COL21A1: variants seen among roughly 807,000 people sequenced by gnomAD.
The protein encoded by COL21A1 is collagen alpha-1(XXI) chain.
In COL21A1, 149 loss-of-function variants were observed where a neutral mutation model predicts 137.9. The ratio of observed to expected loss-of-function variants is 1.08; its 90% CI spans 0.95 to 1.24. The LOEUF is 1.24. COL21A1 is among the 50% of genes most tolerant of loss of function. The pLI, the probability that COL21A1 is intolerant of heterozygous loss-of-function variation, is 0.00. For synonymous variants in COL21A1, 456 were observed against 391.5 expected, an observed-to-expected ratio of 1.16 and a Z score of -1.95; for missense variants, 1,167 against 1,158.4, an observed-to-expected ratio of 1.01 and a Z score of -0.11.
At chr6:56,157,072 T>TTA in intron 9 of COL21A1, 123 bp from the exon 10 acceptor site, 2 of 496,160 alleles carry the variant, frequency 4.0e-6, no homozygotes. Context: ...AAAACAAAAG[T>TTA]AAAAAAAAAA....
intron 20 of COL21A1, among the ~76,000 whole-genome samples, chr6:56,071,398 GTCT>G (rs1766741999): frequency 6.6e-6 from 1 of 151,540 alleles, no homozygotes; most frequent in Admixed American, 6.6e-5. Flanking sequence ...GAGAAAACAA[GTCT>G]TCTGGCTAAT....
chr6:56,151,947 G>C (rs553229788), intron 10 of COL21A1, among the ~76,000 whole-genome samples: 1 of 152,162 alleles, frequency 6.6e-6, no homozygotes, highest in African/African-American at 2.4e-5. Flanking sequence ...GAGACACTGC[G>C]GGGAGGGGCT....
At chr6:56,117,342 G>A (rs1196557455) in intron 16 of COL21A1, among the ~76,000 whole-genome samples, 13 of 151,858 alleles carry the variant, frequency 8.6e-5, no homozygotes, top group Non-Finnish European at 1.9e-4. Context: ...AAAACTAAGA[G>A]AAAAGGGTCT....
intron 10 of COL21A1, among the ~76,000 whole-genome samples, chr6:56,153,135 G>A (rs1214130178): frequency 6.6e-6 from 1 of 152,152 alleles, no homozygotes; most frequent in African/African-American, 2.4e-5. Flanking sequence ...GCATATAATG[G>A]GGGTCGAAGA....
At chr6:56,328,035 G>A (rs1582785697) in intron 1 of COL21A1, among the ~76,000 whole-genome samples, 2 of 151,970 alleles carry the variant, frequency 1.3e-5, no homozygotes, top group Non-Finnish European at 2.9e-5. Context: ...GGGTCAGGCT[G>A]CCCATCATAC....
chr6:56,308,792 A>T (rs1764531863), intron 1 of COL21A1, among the ~76,000 whole-genome samples: 1 of 152,190 alleles, frequency 6.6e-6, no homozygotes, highest in Non-Finnish European at 1.5e-5. Flanking sequence ...GCTACATATC[A>T]AGTGCTCAGT....
At chr6:56,335,536 A>T (rs913747196) in intron 1 of COL21A1, among the ~76,000 whole-genome samples, 7 of 152,172 alleles carry the variant, frequency 4.6e-5, no homozygotes, top group African/African-American at 1.7e-4. Context: ...CCAAATTTGC[A>T]TCTCTAACCA....
intron 10 of COL21A1, among the ~76,000 whole-genome samples, chr6:56,144,350 C>A (rs944418334): frequency 6.6e-6 from 1 of 151,976 alleles, no homozygotes. Context: ...TAGATTGACT[C>A]AACTGATTCA....
chr6:56,121,573 TG>T (rs2152207254), intron 16 of COL21A1, among the ~76,000 whole-genome samples: 1 of 146,286 alleles, frequency 6.8e-6, no homozygotes, highest in Non-Finnish European at 1.5e-5. Context: ...TATATATATA[TG>T]TATATGTATA....
chr6:56,237,083 CT>C (rs1341151738), intron 1 of COL21A1, among the ~76,000 whole-genome samples: 8 of 151,860 alleles, frequency 5.3e-5, no homozygotes, highest in African/African-American at 1.9e-4. Context: ...ACGTGAGAAC[CT>C]ATCAATAGAT....
chr6:56,069,025 T>C, intron 22 of COL21A1, 21 bp downstream of exon 22: 1 of 1,562,730 alleles, frequency 6.4e-7, no homozygotes, highest in Non-Finnish European at 8.7e-7. Flanking sequence ...AAGCGAACTG[T>C]ATCTCCTAAC....
At chr6:56,069,461 C>T (rs1766547222) in intron 21 of COL21A1, among the ~76,000 whole-genome samples, 1 of 150,876 alleles carries the variant, frequency 6.6e-6, no homozygotes, top group Non-Finnish European at 1.5e-5. Flanking sequence ...TACCTATTTA[C>T]TAACACTTAT....
rs541153422 is a variant in COL21A1, at chr6:56,170,597, T to C, written c.1026+52A>G. 3.9e-5 allele frequency: 49 copies of C among 1,263,672 alleles called. No individual in the cohort carries two copies. The African/African-American group carries it at 5.9e-4, about 15-fold the overall frequency. 78.3% of individuals were successfully genotyped at this position (1,263,672 alleles called of 1,614,324 possible). ...TTTTCCCCAACACACATAAACCCAA[T>C]AGTGCTTCCCCATGAATATCATAAT... On this transcript the variant is annotated intron_variant, in intron 5 of 29. Coordinates refer to ENST00000244728, the MANE Select transcript of COL21A1 (RefSeq NM_030820.4).
intron 16 of COL21A1, among the ~76,000 whole-genome samples, chr6:56,106,703 T>TA (rs1770930060): frequency 6.6e-6 from 1 of 151,856 alleles, no homozygotes; most frequent in African/African-American, 2.4e-5. Flanking sequence ...AAAAAAATAA[T>TA]AAAAACTTTT....
intron 16 of COL21A1, 26 bp from the exon 17 acceptor site, chr6:56,101,551 TAGA>T: frequency 6.4e-7 from 1 of 1,551,416 alleles, no homozygotes; most frequent in Non-Finnish European, 8.8e-7. Flanking sequence ...CAAAAAGAAA[TAGA>T]GAATTCAGTT....
rs140772773 is a variant in COL21A1, at chr6:56,243,286, C to G, written c.-39+4101G>C. Among the ~76,000 whole-genome samples the G allele has an allele frequency of 7.7e-3, 1,169 of 152,258 alleles. 18 individuals carry two copies. Among genetic ancestry groups the G allele is most frequent in the African/African-American group, 0.026 (1,095 of 41,564 alleles). ...TTCTCAGGTGATTCAAATGTCCAGT[C>G]AAGTGGGTTAACCAGTGGGTTAAAG... is the stretch of plus-strand genomic sequence containing the variant. On this transcript the variant is annotated intron_variant, in intron 1 of 29. Coordinates refer to ENST00000244728, the MANE Select transcript of COL21A1 (RefSeq NM_030820.4).
intron 1 of COL21A1, among the ~76,000 whole-genome samples, chr6:56,226,613 T>C (rs1781210540): frequency 6.6e-6 from 1 of 152,050 alleles, no homozygotes; most frequent in African/African-American, 2.4e-5. Context: ...CTGGCAAGCC[T>C]AATTTGAGTC....
chr6:56,135,194 A>G (rs1773898310), intron 12 of COL21A1, among the ~76,000 whole-genome samples: 1 of 152,124 alleles, frequency 6.6e-6, no homozygotes. Flanking sequence ...AAACCAAGTA[A>G]AAACACATAA....
chr6:56,375,374 T>C (rs140800156), intron 1 of COL21A1, among the ~76,000 whole-genome samples: 1 of 152,286 alleles, frequency 6.6e-6, no homozygotes, highest in East Asian at 1.9e-4. Flanking sequence ...CCAATTGAGT[T>C]CAGCCAGTGG....
Sources: gnomAD v4.1 joint callset for allele counts (sites outside exome capture counted in the v4.1 genomes callset) on GRCh38, gnomAD v4.1.1 for gene constraint, MANE v1.5 for transcripts, NCBI Gene and HGNC (gene_info 2026-07-23, HGNC 2026-07-21) for gene names.